The following DST variants were observed in gnomAD, a reference collection of about 807,000 sequenced individuals.
DST encodes bullous pemphigoid antigen.
In DST, 253 loss-of-function variants were observed where a neutral mutation model predicts 875.2. The ratio of observed to expected loss-of-function variants is 0.29; its 90% confidence interval spans 0.26 to 0.32. DST has a LOEUF of 0.32. Ranked by LOEUF, DST falls within the 10% of genes least tolerant of loss-of-function variation. The probability of loss-of-function intolerance (pLI) is 1.00; values close to 1 mark genes in which losing one functional copy is unlikely to be tolerated. For synonymous variants in DST, 3,124 were observed against 3,197.1 expected, an observed-to-expected ratio of 0.98 and a Z score of 0.77; for missense variants, 8,287 against 9,111.6, an observed-to-expected ratio of 0.91 and a Z score of 3.68.
intron 3 of DST, among the ~76,000 whole-genome samples, chr6:56,869,543 G>A (rs1197810762): frequency 2.0e-5 from 3 of 151,438 alleles, no homozygotes; most frequent in Admixed American, 2.0e-4. Flanking sequence ...AATACCCTGA[G>A]ATTGCAAGGA....
intron 4 of DST, among the ~76,000 whole-genome samples, chr6:56,808,410 A>C (rs2099755805): frequency 6.6e-6 from 1 of 152,256 alleles, no homozygotes; most frequent in Non-Finnish European, 1.5e-5. Flanking sequence ...AGTTTGAAAT[A>C]AAAACAAACC....
At chr6:56,947,949 A>G (rs780657118) in intron 2 of DST, among the ~76,000 whole-genome samples, 1 of 152,222 alleles carries the variant, frequency 6.6e-6, no homozygotes, top group Non-Finnish European at 1.5e-5. Flanking sequence ...TTTTTTTCCT[A>G]TACAAACACA....
chr6:56,617,391 G>A (rs1449937396), intron 36 of DST: 3 of 1,613,386 alleles, frequency 1.9e-6, no homozygotes, highest in Non-Finnish European at 2.5e-6. Flanking sequence ...ACTTCTGTAT[G>A]CATATCATAC....
intron 37 of DST, among the ~76,000 whole-genome samples, chr6:56,614,142 T>C (rs776409010): frequency 1.3e-5 from 2 of 152,216 alleles, no homozygotes; most frequent in African/African-American, 4.8e-5. Context: ...GAACAATATA[T>C]AACGTTCAGG....
chr6:56,690,318 G>A (rs1287004494), intron 9 of DST, among the ~76,000 whole-genome samples: 1 of 152,066 alleles, frequency 6.6e-6, no homozygotes, highest in Non-Finnish European at 1.5e-5. Flanking sequence ...CAATTCCAAA[G>A]CAGTATACAA....
At chr6:56,614,738 T>C in intron 36 of DST, 1 of 1,088,238 alleles carries the variant, frequency 9.2e-7, no homozygotes, top group Non-Finnish European at 1.1e-6. Context: ...GTTCCATCAA[T>C]GTTACAAATT....
intron 49 of DST, among the ~76,000 whole-genome samples, chr6:56,579,454 T>C (rs1323180024): frequency 6.6e-6 from 1 of 152,132 alleles, no homozygotes; most frequent in Non-Finnish European, 1.5e-5. Context: ...TTTGTGAATA[T>C]ACAAAAATAA....
chr6:56,591,175 AT>A (rs1365579602), intron 49 of DST, among the ~76,000 whole-genome samples: 2 of 152,268 alleles, frequency 1.3e-5, no homozygotes, highest in African/African-American at 4.8e-5. Context: ...TTACTTTAGA[AT>A]TTTAAAATAA....
In DST at chr6:56,498,016, A is replaced by G; in HGVS notation, c.19934T>C (p.Val6645Ala). ...QNDVLAHQST[V>A]EAVNKAGNDL... ...ATTTCCTGCTTTATTAACGGCTTCC[A>G]CTGTGGACTGATGGGCTAATACATC... Residue 6645 changes from valine (V) to alanine (A), a missense_variant, in exon 81 of 104, where the codon GTG becomes GCG. By Grantham distance (64) the Val-to-Ala change is moderately conservative. Transcript: ENST00000680361. 6.2e-7 allele frequency: 1 copy of G among 1,613,398 alleles called. No individual in the cohort carries two copies.
chr6:56,606,019 T>A lies in DST; in HGVS notation c.8609A>T (p.Glu2870Val). Residue 2870 changes from glutamate to valine, a missense_variant, in exon 40 of 104, where the codon GAA (glutamate) becomes GTA (valine). Glu to Val is a moderately radical substitution (Grantham distance 121). This residue lies in a region of DST where 3,138 missense variants were observed against 3,116.6 expected (regional missense o/e 1.01). Transcript: ENST00000680361. ...LDKMHSCSSL[E>V]KQQRVNVVQL... ...TACAACATTTACCCTTTGCTGTTTT[T>A]CTAAAGAGCTACAACTGTGCATTTT... is the stretch of plus-strand genomic sequence containing the variant. 6.2e-7 allele frequency: 1 copy of A among 1,612,766 alleles called. No individual in the cohort carries two copies. The highest frequency in any genetic ancestry group is 8.5e-7 in the Non-Finnish European group (1 of 1,179,146).
At chr6:56,717,182 CAAATAAATAAAT>C (rs35485370) in intron 5 of DST, among the ~76,000 whole-genome samples, 14,880 of 142,704 alleles carry the variant, frequency 0.1, 2,367 homozygotes, top group African/African-American at 0.34. Flanking sequence ...GACTCCGTCT[CAAATAAATAAAT>C]AAATAAATAA....
At chr6:56,645,726 AG>A (rs755625149) in intron 15 of DST, 139 bp downstream of exon 15, 303 of 962,844 alleles carry the variant, frequency 3.1e-4, no homozygotes, top group Non-Finnish European at 4.3e-4. Flanking sequence ...AAGAGTTTCT[AG>A]GTAAGAAAAT....
intron 4 of DST, among the ~76,000 whole-genome samples, chr6:56,766,319 T>G (rs1438629281): frequency 6.6e-6 from 1 of 152,180 alleles, no homozygotes; most frequent in Admixed American, 6.5e-5. Context: ...TCACTGACAA[T>G]GCATTCTTTC....
intron 53 of DST, among the ~76,000 whole-genome samples, chr6:56,571,234 A>G (rs1288286464): frequency 6.6e-6 from 1 of 152,350 alleles, no homozygotes; most frequent in African/African-American, 2.4e-5. Context: ...GCAGATAAGA[A>G]TGCACTGCAG....
In DST at chr6:56,702,380, T is replaced by C. The variant is rs190366414; in HGVS notation, c.877-415A>G. On this transcript the variant is annotated intron_variant, in intron 7 of 103. Coordinates refer to ENST00000680361, the MANE Select transcript of DST (RefSeq NM_001374736.1). The stretch of plus-strand genomic sequence containing the variant: ...GCAAGAGGGTTTTTATAACTGTATA[T>C]ACACACACACACACACACACACATA... 2.8e-3 allele frequency among the ~76,000 whole-genome samples: 416 copies of C among 149,518 alleles called. 1 individual carries two copies. Among genetic ancestry groups the C allele is most frequent in the African/African-American group, 7.4e-3 (299 of 40,628 alleles).
intron 10 of DST, among the ~76,000 whole-genome samples, chr6:56,663,694 A>G (rs1458363064): frequency 6.6e-6 from 1 of 152,230 alleles, no homozygotes; most frequent in African/African-American, 2.4e-5. Flanking sequence ...AACCTTCACA[A>G]TTACAGCATC....
chr6:56,542,035 G>T (rs1307447868), intron 61 of DST, among the ~76,000 whole-genome samples: 1 of 152,170 alleles, frequency 6.6e-6, no homozygotes, highest in Non-Finnish European at 1.5e-5. Flanking sequence ...AATTTCGGCA[G>T]AGCTCTGGTT....
In DST at chr6:56,631,336, A is replaced by G; in HGVS notation, c.4017T>C (p.Asn1339=). 6.2e-7 allele frequency: 1 copy of G among 1,613,958 alleles called. No homozygotes were observed. The highest frequency in any genetic ancestry group is 1.1e-5 in the South Asian group (1 of 91,074). Residue 1339 remains asparagine, a synonymous_variant, in exon 30 of 104, where the codon AAT becomes AAC. Transcript: ENST00000680361. ...RLKDDLGTIT[N]KCEEFFSQAA... ...CTTGACTGAAAAACTCCTCACACTTATTTGTGATTGTTCCCAAATCATCTT... is the reference window on the plus strand; with the variant it reads ...CTTGACTGAAAAACTCCTCACACTTGTTTGTGATTGTTCCCAAATCATCTT...
At position 56,641,470 on chromosome 6, in the gene DST, C is replaced by G. The variant is rs556123120; in HGVS notation, c.2027+477G>C. 1.2e-3 allele frequency among the ~76,000 whole-genome samples: 178 copies of G among 152,170 alleles called. 1 individual carries two copies. Among genetic ancestry groups the G allele is most frequent in the Non-Finnish European group, 2.0e-3 (136 of 68,000 alleles). Reference sequence around the variant, plus strand: ...AGGTGTGGTGGCGGGTGCCTGTAATCCCAGCTACTAGGGAGGCTGAGACAT... The same window carrying G: ...AGGTGTGGTGGCGGGTGCCTGTAATGCCAGCTACTAGGGAGGCTGAGACAT... On this transcript the variant is annotated intron_variant, in intron 17 of 103. Transcript: ENST00000680361.
Sources: allele counts gnomAD v4.1 joint callset (sites outside exome capture counted in the v4.1 genomes callset), GRCh38; gene constraint gnomAD v4.1.1; regional missense constraint gnomAD v4.1.1; transcripts MANE v1.5; gene names NCBI Gene and HGNC (gene_info 2026-07-23, HGNC 2026-07-21).